Variants in PRLR observed in about 807,000 individuals in gnomAD.
PRLR encodes hPRL receptor.
In PRLR, 13 loss-of-function variants were observed where a neutral mutation model predicts 40.2. The observed-to-expected ratio is 0.32, with a 90% CI of 0.21 to 0.51. The LOEUF (loss-of-function observed/expected upper bound fraction) is 0.51, where lower values mean the gene tolerates loss of function less well. Among genes scored for constraint, PRLR ranks in the 20% least tolerant of loss-of-function variants. The pLI is 0.97. For missense variants in PRLR, 656 were observed against 747.3 expected, an observed-to-expected ratio of 0.88 and a Z score of 1.42; for synonymous variants, 269 against 278.7, an observed-to-expected ratio of 0.97 and a Z score of 0.35.
chr5:35,074,520 T>C (rs1264910465), intron 5 of PRLR, among the ~76,000 whole-genome samples: 1 of 148,928 alleles, frequency 6.7e-6, no homozygotes, highest in Non-Finnish European at 1.5e-5. Context: ...TATATATATA[T>C]ATATATGAAA....
At chr5:35,110,284 A>G (rs951022430) in intron 2 of PRLR, among the ~76,000 whole-genome samples, 3 of 152,308 alleles carry the variant, frequency 2.0e-5, no homozygotes, top group East Asian at 1.9e-4. Context: ...TAATGGGTGC[A>G]GCACACCAAC....
At chr5:35,210,893 G>A (rs1303147656) in intron 1 of PRLR, among the ~76,000 whole-genome samples, 1 of 151,964 alleles carries the variant, frequency 6.6e-6, no homozygotes, top group Admixed American at 6.6e-5. Flanking sequence ...TAATTTTTTT[G>A]TAGAGACAGC....
intron 1 of PRLR, among the ~76,000 whole-genome samples, chr5:35,167,573 A>G (rs542421182): frequency 5.3e-4 from 81 of 152,228 alleles, no homozygotes; most frequent in African/African-American, 1.8e-3. Flanking sequence ...GTTCATTGAA[A>G]ACAGTAAATA....
intron 1 of PRLR, among the ~76,000 whole-genome samples, chr5:35,212,990 T>G (rs1776207091): frequency 6.6e-6 from 1 of 152,136 alleles, no homozygotes. Flanking sequence ...AAAGAGAAAG[T>G]CTCAACAGCA....
chr5:35,133,958 C>G (rs1416610288), intron 1 of PRLR, among the ~76,000 whole-genome samples: 2 of 152,142 alleles, frequency 1.3e-5, no homozygotes, highest in Non-Finnish European at 2.9e-5. Flanking sequence ...ATTGTATGCT[C>G]TCACTCATAA....
rs775159237 is a variant in PRLR, at chr5:35,065,790, G to C, written c.1168C>G (p.His390Asp). 2 of 1,614,114 alleles carry C rather than the reference G, an allele frequency of 1.2e-6. No individual in the cohort carries two copies. Among genetic ancestry groups the C allele is most frequent in the Non-Finnish European group, 1.7e-6 (2 of 1,180,016 alleles). ...IEKPENPETTHTWDPQCISME... is the reference protein window; with the variant it reads ...IEKPENPETTDTWDPQCISME... Reference sequence around the variant, plus strand: ...CTTATGCACTGGGGGTCCCAGGTGTGGGTTGTTTCAGGATTCTCTGGCTTC... The same window carrying C: ...CTTATGCACTGGGGGTCCCAGGTGTCGGTTGTTTCAGGATTCTCTGGCTTC... The change falls in exon 10 of 10, where the codon CAC (histidine) becomes GAC (aspartate). Residue 390 changes from histidine to aspartate, a missense_variant. His to Asp is a moderately conservative substitution (Grantham distance 81). This residue lies in a region of PRLR where 469 missense variants were observed against 491.5 expected (regional missense o/e 0.95). Transcript: ENST00000618457.
intron 1 of PRLR, among the ~76,000 whole-genome samples, chr5:35,224,874 T>C (rs563754197): frequency 6.6e-6 from 1 of 151,778 alleles, no homozygotes; most frequent in African/African-American, 2.4e-5. Context: ...GGAAAAAAAT[T>C]ATATCTTTAT....
chr5:35,070,197 G>A lies in PRLR; in HGVS notation c.612C>T (p.Val204=), dbSNP rs1231456438. The A allele has an allele frequency of 6.2e-7, 1 of 1,614,152 alleles. No individual in the cohort carries two copies. Among genetic ancestry groups the A allele is most frequent in the East Asian group, 2.2e-5 (1 of 44,878 alleles). Residue 204 remains valine (V), a synonymous_variant, in exon 7 of 10, where the codon GTC becomes GTT. Coordinates refer to ENST00000618457, the MANE Select transcript of PRLR (RefSeq NM_000949.7). ...LSLHPGQKYL[V]QVRCKPDHGY... is the part of the protein sequence containing the mutation. ...CATGGTCTGGTTTGCAGCGAACCTG[G>A]ACAAGGTATTTCTGTCCTGGATGTA...
At chr5:35,076,110 C>A (rs1429860132) in intron 5 of PRLR, among the ~76,000 whole-genome samples, 1 of 152,196 alleles carries the variant, frequency 6.6e-6, no homozygotes, top group Non-Finnish European at 1.5e-5. Flanking sequence ...AAAAGCTGAA[C>A]ATTTTAAAAA....
intron 1 of PRLR, among the ~76,000 whole-genome samples, chr5:35,158,596 T>G (rs1407301182): frequency 6.6e-6 from 1 of 152,112 alleles, no homozygotes; most frequent in Non-Finnish European, 1.5e-5. Flanking sequence ...GAAGGGTGAA[T>G]ATGTGCCCCT....
chr5:35,106,641 T>C (rs988910534), intron 2 of PRLR, among the ~76,000 whole-genome samples: 3 of 152,126 alleles, frequency 2.0e-5, no homozygotes, highest in African/African-American at 7.2e-5. Flanking sequence ...GGCCATTACA[T>C]AATGGTAAAG....
chr5:35,071,169 T>C (rs1439296357), intron 6 of PRLR, among the ~76,000 whole-genome samples: 2 of 152,212 alleles, frequency 1.3e-5, no homozygotes, highest in Non-Finnish European at 2.9e-5. Context: ...TTGTTCAACC[T>C]ACATCTAATC....
chr5:35,074,930 A>T lies in PRLR; in HGVS notation c.374-2186T>A, dbSNP rs547529967. 7.2e-5 allele frequency among the ~76,000 whole-genome samples: 11 copies of T among 152,270 alleles called. No individual in the cohort carries two copies. The South Asian group carries it at 2.3e-3, about 32-fold the overall frequency. The stretch of plus-strand genomic sequence containing the variant: ...CCAGTCTCAGTTCTGCTGTTCAGTG[A>T]CATTTTCTCCATTCATTTATCACCT... On this transcript the variant is annotated intron_variant, in intron 5 of 9. Transcript: ENST00000618457.
At chr5:35,113,450 T>TATCC (rs375477215) in intron 2 of PRLR, among the ~76,000 whole-genome samples, 2,008 of 105,368 alleles carry the variant, frequency 0.019, 21 homozygotes, top group East Asian at 0.039. Context: ...CCCACCCACC[T>TATCC]ATCCATCCAT....
At chr5:35,192,956 T>C (rs1354364620) in intron 1 of PRLR, among the ~76,000 whole-genome samples, 1 of 152,154 alleles carries the variant, frequency 6.6e-6, no homozygotes, top group Non-Finnish European at 1.5e-5. Context: ...GAGTGTGGTT[T>C]TTTCCTGCTT....
chr5:35,152,674 A>G (rs1375711159), intron 1 of PRLR: 1 of 152,214 alleles, frequency 6.6e-6, no homozygotes, highest in Non-Finnish European at 1.5e-5. Context: ...TCTTCACAAT[A>G]TATTGGGAGT....
intron 1 of PRLR, among the ~76,000 whole-genome samples, chr5:35,142,399 G>A (rs1279153144): frequency 6.6e-6 from 1 of 152,140 alleles, no homozygotes; most frequent in African/African-American, 2.4e-5. Context: ...TGGGGAGAAA[G>A]GGGAAGGCAA....
intron 1 of PRLR, among the ~76,000 whole-genome samples, chr5:35,180,722 C>A (rs1579771749): frequency 1.3e-5 from 2 of 151,618 alleles, no homozygotes; most frequent in African/African-American, 2.4e-5. Context: ...TCTCCTAATG[C>A]TATCCCTCCC....
chr5:35,168,603 G>A (rs1049108473), intron 1 of PRLR, among the ~76,000 whole-genome samples: 12 of 151,916 alleles, frequency 7.9e-5, no homozygotes, highest in African/African-American at 2.4e-4. Flanking sequence ...TAATAAACCC[G>A]TGGGTCTAAG....
Sources: allele counts gnomAD v4.1 joint callset (sites outside exome capture counted in the v4.1 genomes callset), GRCh38; gene constraint gnomAD v4.1.1; regional missense constraint gnomAD v4.1.1; transcripts MANE v1.5; gene names NCBI Gene and HGNC (gene_info 2026-07-23, HGNC 2026-07-21).